The following DGKI variants were observed in gnomAD, a reference collection of about 807,000 sequenced individuals.
DGKI encodes the protein diacylglycerol kinase iota.
In DGKI, 55 loss-of-function variants were observed where a neutral mutation model predicts 147.5. The observed-to-expected ratio is 0.37, with a 90% CI of 0.30 to 0.47. DGKI has a LOEUF of 0.47. DGKI is among the 20% of genes least tolerant of loss of function. The probability of loss-of-function intolerance (pLI) is 1.00; values close to 1 mark genes in which losing one functional copy is unlikely to be tolerated. For missense variants in DGKI, 1,007 were observed against 1,323.8 expected (o/e 0.76, Z 3.71); for synonymous variants, 469 against 477.1 (o/e 0.98, Z 0.22).
intron 1 of DGKI, among the ~76,000 whole-genome samples, chr7:137,750,502 C>T (rs1795464356): frequency 6.6e-6 from 1 of 152,102 alleles, no homozygotes; most frequent in Non-Finnish European, 1.5e-5. Context: ...TACTGATTGG[C>T]AGTTAAAAGG....
intron 28 of DGKI, among the ~76,000 whole-genome samples, chr7:137,443,133 G>A (rs1391091709): frequency 6.6e-6 from 1 of 152,078 alleles, no homozygotes; most frequent in African/African-American, 2.4e-5. Context: ...GGGAAAAGAT[G>A]GTAAATGAAG....
At chr7:137,823,569 TCTC>T (rs1376421713) in intron 1 of DGKI, among the ~76,000 whole-genome samples, 1 of 152,170 alleles carries the variant, frequency 6.6e-6, no homozygotes, top group Admixed American at 6.5e-5. Flanking sequence ...GTGTTGTTCT[TCTC>T]CTTCTTAAAA....
At chr7:137,811,721 A>C (rs537603537) in intron 1 of DGKI, among the ~76,000 whole-genome samples, 2 of 152,362 alleles carry the variant, frequency 1.3e-5, no homozygotes, top group African/African-American at 4.8e-5. Flanking sequence ...TTGAGCTCTG[A>C]TTCCATACTG....
chr7:137,763,318 G>A (rs755522104), intron 1 of DGKI, among the ~76,000 whole-genome samples: 21 of 152,180 alleles, frequency 1.4e-4, no homozygotes, highest in South Asian at 2.1e-4. Context: ...AGGAAGCTAC[G>A]GGTGTGAACT....
intron 1 of DGKI, among the ~76,000 whole-genome samples, chr7:137,747,969 G>C (rs933922133): frequency 1.3e-5 from 2 of 152,128 alleles, no homozygotes; most frequent in Non-Finnish European, 2.9e-5. Context: ...TTTACGACAA[G>C]GAAATAAGAT....
At chr7:137,495,510 A>G (rs1815933349) in intron 21 of DGKI, among the ~76,000 whole-genome samples, 1 of 149,660 alleles carries the variant, frequency 6.7e-6, no homozygotes, top group African/African-American at 2.5e-5. Context: ...GACAAAAAAA[A>G]AAAAAAAAAA....
intron 27 of DGKI, among the ~76,000 whole-genome samples, chr7:137,446,222 G>T (rs1310900734): frequency 6.6e-6 from 1 of 152,242 alleles, no homozygotes; most frequent in Non-Finnish European, 1.5e-5. Flanking sequence ...AAAAATTCCA[G>T]ATGGCTCCGT....
At chr7:137,778,063 A>C (rs1686720964) in intron 1 of DGKI, among the ~76,000 whole-genome samples, 1 of 152,200 alleles carries the variant, frequency 6.6e-6, no homozygotes, top group Non-Finnish European at 1.5e-5. Flanking sequence ...TGATTAAACA[A>C]TTAAATATAA....
intron 12 of DGKI, among the ~76,000 whole-genome samples, chr7:137,591,778 G>A (rs1317172426): frequency 1.3e-5 from 2 of 152,178 alleles, no homozygotes; most frequent in East Asian, 1.9e-4. Flanking sequence ...CTATGACTCA[G>A]CTAGATTTTG....
At chr7:137,480,596 G>GTT (rs67866265) in intron 23 of DGKI, among the ~76,000 whole-genome samples, 1 of 148,304 alleles carries the variant, frequency 6.7e-6, no homozygotes, top group Non-Finnish European at 1.5e-5. Context: ...CCAAGAGGTT[G>GTT]TTTTTTTTTT....
chr7:137,618,229 A>T (rs764736074), intron 8 of DGKI, among the ~76,000 whole-genome samples: 2 of 126,480 alleles, frequency 1.6e-5, no homozygotes, highest in Non-Finnish European at 3.4e-5. Flanking sequence ...CACGGTTATT[A>T]AAAAAAAAAA....
chr7:137,803,098 T>A (rs1797263847), intron 1 of DGKI, among the ~76,000 whole-genome samples: 2 of 152,128 alleles, frequency 1.3e-5, no homozygotes, highest in Non-Finnish European at 2.9e-5. Context: ...TAAGGAAAGA[T>A]CCATAAATGC....
Position 137,538,613 on chromosome 7 carries a change from G to T in DGKI, c.2147+13756C>A, listed in dbSNP as rs568236941. 1.4e-4 allele frequency among the ~76,000 whole-genome samples: 21 copies of T among 152,246 alleles called. No individual in the cohort carries two copies. In the South Asian group the frequency reaches 4.4e-3, roughly 32 times the overall value. ...ACTGGTGTCTCTGCAGAGTTGTTTT[G>T]CTGAATTTAGCTATGACACTCGCTG... On this transcript the variant is annotated intron_variant, in intron 20 of 32. Transcript: ENST00000614521.
chr7:137,665,504 G>A (rs779926507), intron 3 of DGKI, among the ~76,000 whole-genome samples: 25 of 152,240 alleles, frequency 1.6e-4, no homozygotes, highest in Non-Finnish European at 2.8e-4. Flanking sequence ...CTCGAGTACC[G>A]CAGGAAAACT....
chr7:137,654,247 C>T (rs556415724), intron 5 of DGKI, among the ~76,000 whole-genome samples: 6 of 152,284 alleles, frequency 3.9e-5, no homozygotes, highest in South Asian at 4.1e-4. Flanking sequence ...TTAGGTGAGA[C>T]GCCCAAGATC....
intron 28 of DGKI, among the ~76,000 whole-genome samples, chr7:137,434,450 G>A (rs928255788): frequency 1.3e-5 from 2 of 151,554 alleles, no homozygotes; most frequent in Non-Finnish European, 2.9e-5. Flanking sequence ...GCGTGGTGGT[G>A]CACGCCTGTA....
intron 3 of DGKI, among the ~76,000 whole-genome samples, chr7:137,677,029 G>A (rs989368655): frequency 6.6e-6 from 1 of 152,088 alleles, no homozygotes; most frequent in African/African-American, 2.4e-5. Flanking sequence ...TTACATCCCA[G>A]GACCAGTGTT....
At chr7:137,621,578 C>T (rs1362735160) in intron 7 of DGKI, among the ~76,000 whole-genome samples, 1 of 152,180 alleles carries the variant, frequency 6.6e-6, no homozygotes, top group Non-Finnish European at 1.5e-5. Flanking sequence ...ATATCAACCG[C>T]TGTAATTTGT....
At chr7:137,517,333 AAGAAAGAG>A (rs202036158) in intron 21 of DGKI, among the ~76,000 whole-genome samples, 3 of 135,928 alleles carry the variant, frequency 2.2e-5, no homozygotes, top group African/African-American at 5.4e-5. Flanking sequence ...GAAAGAAAGA[AAGAAAGAG>A]AAAGAAAGAA....
Sources: allele counts gnomAD v4.1 joint callset (sites outside exome capture counted in the v4.1 genomes callset), GRCh38; gene constraint gnomAD v4.1.1; transcripts MANE v1.5; gene names NCBI Gene and HGNC (gene_info 2026-07-23, HGNC 2026-07-21).